Variants in RALYL observed in about 807,000 individuals in gnomAD.
RALYL encodes the protein RNA-binding Raly-like protein.
Under a neutral mutation model 35.1 loss-of-function variants are expected in RALYL, and 29 were observed. That is an observed-to-expected ratio of 0.83 (90% CI 0.61 to 1.13). RALYL has a LOEUF of 1.13. Ranked by LOEUF, RALYL falls within the 50% of genes most tolerant of loss-of-function variation. The pLI, the probability that RALYL is intolerant of heterozygous loss-of-function variation, is 0.00. For missense variants in RALYL, 359 were observed against 360.4 expected (o/e 1.00, Z 0.03); for synonymous variants, 120 against 127.6 (o/e 0.94, Z 0.40).
chr8:84,466,538 G>A (rs1253625929), intron 1 of RALYL, among the ~76,000 whole-genome samples: 4 of 151,528 alleles, frequency 2.6e-5, no homozygotes, highest in East Asian at 1.9e-4. Context: ...TGCTGTATTC[G>A]TTTTGCCAGT....
intron 1 of RALYL, among the ~76,000 whole-genome samples, chr8:84,290,545 A>G (rs1052187225): frequency 6.6e-6 from 1 of 152,112 alleles, no homozygotes; most frequent in African/African-American, 2.4e-5. Flanking sequence ...AGCCAGGATG[A>G]GCCAGGAAAA....
At chr8:84,746,799 A>G (rs1808710807) in intron 2 of RALYL, among the ~76,000 whole-genome samples, 1 of 151,804 alleles carries the variant, frequency 6.6e-6, no homozygotes, top group Non-Finnish European at 1.5e-5. Flanking sequence ...AATAATTAAT[A>G]CAATTTACTT....
intron 2 of RALYL, among the ~76,000 whole-genome samples, chr8:84,673,668 G>A (rs1412755375): frequency 6.6e-6 from 1 of 152,124 alleles, no homozygotes; most frequent in Non-Finnish European, 1.5e-5. Flanking sequence ...TGTCAGGTTT[G>A]TCAAAGATCA....
chr8:84,722,332 T>G (rs1349085779), intron 2 of RALYL, among the ~76,000 whole-genome samples: 1 of 151,914 alleles, frequency 6.6e-6, no homozygotes, highest in Non-Finnish European at 1.5e-5. Context: ...TTCAAAGAAC[T>G]GAAGACAAAA....
At chr8:84,676,065 T>A (rs188297402) in intron 2 of RALYL, among the ~76,000 whole-genome samples, 6 of 152,146 alleles carry the variant, frequency 3.9e-5, no homozygotes, top group Admixed American at 2.6e-4. Context: ...TATATCCAAC[T>A]GTTATTTGTC....
chr8:84,416,810 T>G (rs2132285362), intron 1 of RALYL, among the ~76,000 whole-genome samples: 1 of 152,302 alleles, frequency 6.6e-6, no homozygotes, highest in African/African-American at 2.4e-5. Context: ...ATGGTTAGCC[T>G]ATCTAGAATA....
intron 1 of RALYL, among the ~76,000 whole-genome samples, chr8:84,467,230 A>G (rs2051828722): frequency 6.6e-6 from 1 of 151,692 alleles, no homozygotes; most frequent in South Asian, 2.1e-4. Context: ...TTTAATTGTG[A>G]TGTTAGGGTG....
intron 1 of RALYL, among the ~76,000 whole-genome samples, chr8:84,528,500 A>G (rs2059060412): frequency 6.6e-6 from 1 of 152,178 alleles, no homozygotes; most frequent in Admixed American, 6.5e-5. Flanking sequence ...TAAAAATACT[A>G]GCAATCATTA....
chr8:84,538,011 G>T (rs2059739547), intron 2 of RALYL, among the ~76,000 whole-genome samples: 1 of 152,104 alleles, frequency 6.6e-6, no homozygotes, highest in South Asian at 2.1e-4. Context: ...ATACTATGTG[G>T]GTTATAAAGC....
intron 1 of RALYL, among the ~76,000 whole-genome samples, chr8:84,391,342 T>C (rs1452575016): frequency 6.6e-6 from 1 of 152,008 alleles, no homozygotes; most frequent in Non-Finnish European, 1.5e-5. Flanking sequence ...TTAGCTGAAA[T>C]GTTTGAAACA....
intron 8 of RALYL, among the ~76,000 whole-genome samples, chr8:84,911,729 C>G (rs2135696288): frequency 6.6e-6 from 1 of 152,232 alleles, no homozygotes; most frequent in South Asian, 2.1e-4. Flanking sequence ...CTGTGCTCTG[C>G]CCTACTGGCT....
At chr8:84,701,260 T>G (rs1037665874) in intron 2 of RALYL, among the ~76,000 whole-genome samples, 2 of 152,174 alleles carry the variant, frequency 1.3e-5, no homozygotes, top group Admixed American at 6.5e-5. Context: ...GAGTACATGG[T>G]CCAAGTTGCA....
In RALYL at chr8:84,716,014, G is replaced by A. The variant is rs144633893; in HGVS notation, c.257-58565G>A. 2.0e-4 allele frequency among the ~76,000 whole-genome samples: 31 copies of A among 152,152 alleles called. No homozygotes were observed. The East Asian group carries it at 6.0e-3, about 29-fold the overall frequency. On this transcript the variant is annotated intron_variant, in intron 2 of 8. Coordinates refer to ENST00000521268, the MANE Select transcript of RALYL (RefSeq NM_173848.7). ...GGCATATATTTTTGTAATGTTCCAT[G>A]CCTTGGGCTACCTATCATTGGAAAA...
At chr8:84,389,401 G>A (rs1419790059) in intron 1 of RALYL, among the ~76,000 whole-genome samples, 2 of 151,942 alleles carry the variant, frequency 1.3e-5, no homozygotes, top group African/African-American at 4.8e-5. Context: ...TAGCTTGATG[G>A]ATATGGCATT....
chr8:84,492,381 G>A (rs372042846), intron 1 of RALYL, among the ~76,000 whole-genome samples: 8 of 151,804 alleles, frequency 5.3e-5, no homozygotes, highest in Admixed American at 2.0e-4. Context: ...AACATTTTTT[G>A]CAAAATTTAC....
intron 1 of RALYL, among the ~76,000 whole-genome samples, chr8:84,329,713 A>T (rs1170535120): frequency 2.0e-5 from 3 of 152,128 alleles, no homozygotes; most frequent in Non-Finnish European, 4.4e-5. Flanking sequence ...AATATAAAGC[A>T]CTGTGATCTG....
At chr8:84,468,801 C>A (rs1003521775) in intron 1 of RALYL, among the ~76,000 whole-genome samples, 4 of 152,142 alleles carry the variant, frequency 2.6e-5, no homozygotes, top group African/African-American at 9.7e-5. Context: ...TAGATTTGGT[C>A]TTTTCACATA....
intron 1 of RALYL, among the ~76,000 whole-genome samples, chr8:84,326,962 T>TG (rs1201681258): frequency 6.6e-6 from 1 of 152,136 alleles, no homozygotes; most frequent in African/African-American, 2.4e-5. Flanking sequence ...TAATGGAGAA[T>TG]GGGGGGCAAC....
intron 2 of RALYL, among the ~76,000 whole-genome samples, chr8:84,591,958 A>G (rs896331424): frequency 5.9e-5 from 9 of 152,138 alleles, no homozygotes; most frequent in Non-Finnish European, 1.3e-4. Context: ...CATCTTCACC[A>G]TAGCTCTTTT....
Sources: gnomAD v4.1 joint callset for allele counts (sites outside exome capture counted in the v4.1 genomes callset) on GRCh38, gnomAD v4.1.1 for gene constraint, MANE v1.5 for transcripts, NCBI Gene and HGNC (gene_info 2026-07-23, HGNC 2026-07-21) for gene names.